The following PRUNE2 variants were observed in gnomAD, a reference collection of about 807,000 sequenced individuals.
The protein encoded by PRUNE2 is prune homolog 2 with BCH domain.
In PRUNE2, 164 loss-of-function variants were observed where a neutral mutation model predicts 252.0. That is an observed-to-expected ratio of 0.65 (90% CI 0.57 to 0.74). The LOEUF (loss-of-function observed/expected upper bound fraction) is 0.74. Ranked by LOEUF, PRUNE2 falls within the 30% of genes least tolerant of loss-of-function variation. The pLI, the probability that PRUNE2 is intolerant of heterozygous loss-of-function variation, is 0.00. For missense variants in PRUNE2, 3,495 were observed against 3,711.0 expected (o/e 0.94, Z 1.51); for synonymous variants, 1,292 against 1,350.2 (o/e 0.96, Z 0.94).
At chr9:76,772,148 T>C (rs2053183323) in intron 6 of PRUNE2, among the ~76,000 whole-genome samples, 1 of 152,092 alleles carries the variant, frequency 6.6e-6, no homozygotes. Context: ...GGAAAAGGGC[T>C]TTTTGTGTGT....
At chr9:76,896,321 G>A (rs750309349) in intron 1 of PRUNE2, among the ~76,000 whole-genome samples, 3 of 152,252 alleles carry the variant, frequency 2.0e-5, no homozygotes, top group East Asian at 3.9e-4. Flanking sequence ...GTATCATCTC[G>A]CAAATAGCCT....
At chr9:76,647,006 T>G (rs1055769805) in intron 11 of PRUNE2, among the ~76,000 whole-genome samples, 3 of 152,120 alleles carry the variant, frequency 2.0e-5, no homozygotes, top group Admixed American at 2.0e-4. Flanking sequence ...CTGGGCAACA[T>G]GGCGAAACCC....
intron 9 of PRUNE2, among the ~76,000 whole-genome samples, chr9:76,685,815 C>T (rs752078624): frequency 4.6e-5 from 7 of 152,136 alleles, no homozygotes; most frequent in Non-Finnish European, 8.8e-5. Flanking sequence ...AGATCTTCAC[C>T]GGTATATCCA....
At chr9:76,690,273 C>T (rs1801666947) in intron 9 of PRUNE2, among the ~76,000 whole-genome samples, 1 of 152,198 alleles carries the variant, frequency 6.6e-6, no homozygotes, top group African/African-American at 2.4e-5. Context: ...AGAAACCATC[C>T]CAGATACAAA....
chr9:76,869,544 T>C (rs932177310), intron 1 of PRUNE2, among the ~76,000 whole-genome samples: 4 of 152,134 alleles, frequency 2.6e-5, no homozygotes, highest in Non-Finnish European at 1.5e-5. Flanking sequence ...ACAGTAGATA[T>C]TCAAAAAATG....
intron 1 of PRUNE2, among the ~76,000 whole-genome samples, chr9:76,903,710 C>A (rs992390646): frequency 4.6e-5 from 7 of 152,212 alleles, no homozygotes; most frequent in African/African-American, 1.7e-4. Flanking sequence ...GCCTCTGCCC[C>A]CCTAGTAGCT....
In PRUNE2 at chr9:76,755,433, T is replaced by A. The variant is rs114040331; in HGVS notation, c.757-41712A>T. 6.0e-3 allele frequency among the ~76,000 whole-genome samples: 875 copies of A among 147,048 alleles called. 7 individuals carry two copies. Among genetic ancestry groups the A allele is most frequent in the African/African-American group, 0.022 (828 of 38,246 alleles). On this transcript the variant is annotated intron_variant, in intron 6 of 18. Coordinates refer to ENST00000376718, the MANE Select transcript of PRUNE2 (RefSeq NM_015225.3). Reference sequence around the variant, plus strand: ...GTTAAGTGAACACCATGTGCCACTCTGGGGATATAAAAAAAAATACTCAGC... The same window carrying A: ...GTTAAGTGAACACCATGTGCCACTCAGGGGATATAAAAAAAAATACTCAGC...
At chr9:76,734,788 G>C (rs2048931600) in intron 6 of PRUNE2, among the ~76,000 whole-genome samples, 1 of 152,142 alleles carries the variant, frequency 6.6e-6, no homozygotes, top group Non-Finnish European at 1.5e-5. Context: ...CCATCCACTT[G>C]GCCACGGTGA....
intron 6 of PRUNE2, among the ~76,000 whole-genome samples, chr9:76,733,045 G>C (rs1264557964): frequency 6.6e-6 from 1 of 152,124 alleles, no homozygotes; most frequent in Non-Finnish European, 1.5e-5. Context: ...AAAGTAGTTA[G>C]GTACCTGGTT....
chr9:76,774,467 T>A (rs2053517688), intron 6 of PRUNE2, among the ~76,000 whole-genome samples: 2 of 143,746 alleles, frequency 1.4e-5, no homozygotes, highest in African/African-American at 5.1e-5. Flanking sequence ...TTTTTTTTTT[T>A]TTTTTTTTTT....
chr9:76,854,422 A>G (rs190226498), intron 1 of PRUNE2, among the ~76,000 whole-genome samples: 4 of 152,368 alleles, frequency 2.6e-5, no homozygotes, highest in Admixed American at 2.6e-4. Context: ...ACTTTCTGGA[A>G]GAGAAAATGT....
intron 1 of PRUNE2, among the ~76,000 whole-genome samples, chr9:76,898,949 G>A (rs1421918377): frequency 2.0e-5 from 3 of 152,212 alleles, no homozygotes; most frequent in Non-Finnish European, 4.4e-5. Context: ...CTAGTTGGAC[G>A]AGAGGTCTGA....
intron 6 of PRUNE2, among the ~76,000 whole-genome samples, chr9:76,820,908 C>T (rs1374037952): frequency 6.6e-6 from 1 of 152,132 alleles, no homozygotes. Context: ...GGGCGAACTG[C>T]AAACACCCAT....
chr9:76,638,067 CT>C (rs1164569139), intron 13 of PRUNE2, 118 bp downstream of exon 13: 14 of 682,612 alleles, frequency 2.1e-5, no homozygotes, highest in Non-Finnish European at 3.3e-5. Context: ...ACCTTACTGA[CT>C]TTTCACTGAA....
intron 12 of PRUNE2, among the ~76,000 whole-genome samples, chr9:76,638,541 T>G (rs115956157): frequency 0.029 from 4,389 of 152,312 alleles, 229 homozygotes; most frequent in African/African-American, 0.1. Context: ...GCTATTTATA[T>G]ATTACGGATG....
rs138490515 is a variant in PRUNE2 at position 76,727,840 on chromosome 9, G to A, written c.757-14119C>T. On this transcript the variant is annotated intron_variant, in intron 6 of 18. Coordinates refer to ENST00000376718, the MANE Select transcript of PRUNE2 (RefSeq NM_015225.3). Reference sequence around the variant, plus strand: ...GTGATCCTTCCACCTCAGCCTCCCCGAGTAACTGGGACTACAGGTGCAAGC... The same window carrying A: ...GTGATCCTTCCACCTCAGCCTCCCCAAGTAACTGGGACTACAGGTGCAAGC... Among the ~76,000 whole-genome samples, 844 of 147,130 alleles carry A rather than the reference G, an allele frequency of 5.7e-3. 6 individuals carry two copies. Among genetic ancestry groups the A allele is most frequent in the African/African-American group, 0.02 (783 of 39,938 alleles).
Position 76,706,629 on chromosome 9 carries a change from T to C in PRUNE2, c.5645A>G (p.His1882Arg). The change falls in exon 8 of 19, where the codon CAC becomes CGC. Residue 1882 changes from histidine to arginine, a missense_variant. By Grantham distance (29) the His-to-Arg change is conservative. Transcript: ENST00000376718. The stretch of plus-strand genomic sequence containing the variant: ...GTTGTCACTAAAAGGATTAGTATAG[T>C]GTGTTTCCACGGGCTCAATATCACC... ...VQGDIEPVETHYTNPFSDNHQ... is the reference protein window; with the variant it reads ...VQGDIEPVETRYTNPFSDNHQ... The C allele has an allele frequency of 7.4e-6, 12 of 1,613,900 alleles. No individual in the cohort carries two copies. Among genetic ancestry groups the C allele is most frequent in the Non-Finnish European group, 1.0e-5 (12 of 1,179,814 alleles).
chr9:76,796,778 C>T (rs1267344631), intron 6 of PRUNE2, among the ~76,000 whole-genome samples: 1 of 152,140 alleles, frequency 6.6e-6, no homozygotes, highest in Non-Finnish European at 1.5e-5. Flanking sequence ...CACTTTCCCC[C>T]GTGTGGGTAG....
intron 9 of PRUNE2, among the ~76,000 whole-genome samples, chr9:76,670,098 G>A (rs12349066): frequency 0.014 from 2,203 of 152,306 alleles, 45 homozygotes; most frequent in African/African-American, 0.049. Context: ...CAGCGTGAGC[G>A]ACGCAGAAGA....
Sources: gnomAD v4.1 joint callset for allele counts (sites outside exome capture counted in the v4.1 genomes callset) on GRCh38, gnomAD v4.1.1 for gene constraint, MANE v1.5 for transcripts, NCBI Gene and HGNC (gene_info 2026-07-23, HGNC 2026-07-21) for gene names.